ZNF462: variants seen among roughly 807,000 people sequenced by gnomAD.
ZNF462 encodes zinc finger PBX1-interacting protein.
A neutral mutation model predicts 201.9 loss-of-function variants in ZNF462; 10 were observed. The observed-to-expected ratio is 0.05, with a 90% CI of 0.03 to 0.08. The LOEUF is 0.08. Among genes scored for constraint, ZNF462 ranks in the 10% least tolerant of loss-of-function variants. The pLI, the probability that ZNF462 is intolerant of heterozygous loss-of-function variation, is 1.00. For synonymous variants in ZNF462, 1,227 were observed against 1,193.3 expected (o/e 1.03, Z -0.58); for missense variants, 2,523 against 3,168.3 (o/e 0.80, Z 4.89).
intron 1 of ZNF462, among the ~76,000 whole-genome samples, chr9:106,906,258 T>C (rs1245595841): frequency 6.6e-6 from 1 of 152,254 alleles, no homozygotes; most frequent in Non-Finnish European, 1.5e-5. Context: ...TCCTGGGTCC[T>C]GCAGGAGCAG....
intron 10 of ZNF462, among the ~76,000 whole-genome samples, chr9:106,991,072 A>G (rs560206369): frequency 4.2e-4 from 64 of 152,132 alleles, no homozygotes; most frequent in African/African-American, 1.4e-3. Context: ...CCATAATGCT[A>G]AAACAAGAAA....
chr9:106,918,202 A>C (rs1184538305), intron 1 of ZNF462, among the ~76,000 whole-genome samples: 1 of 152,166 alleles, frequency 6.6e-6, no homozygotes, highest in East Asian at 1.9e-4. Flanking sequence ...ACACTATAAC[A>C]TGGAGATAGT....
chr9:106,932,678 C>G lies in ZNF462; in HGVS notation c.6116+129C>G. 8.4e-7 allele frequency: 1 copy of G among 1,191,636 alleles called. No individual in the cohort carries two copies. Among genetic ancestry groups the G allele is most frequent in the Non-Finnish European group, 1.2e-6 (1 of 845,196 alleles). The allele number at this position is 1,191,636 out of a possible 1,614,324, so 73.8% of individuals were successfully genotyped here. A position where few individuals can be genotyped will look rare whatever the true frequency, so the allele number is the denominator to read the frequency against. On this transcript the variant is annotated intron_variant, in intron 5 of 12. Transcript: ENST00000277225. This position sits in a 1 kb window ranked among gnomAD's most constrained non-coding sequence, Gnocchi z 6.8. ...TGGTTCACACCTGCTGCTATGTTAC[C>G]TGGAGCCTCAGTCACCTTTTCTGTA...
At position 106,970,356 on chromosome 9, in the gene ZNF462, G is replaced by C. The variant is rs1292441078; in HGVS notation, c.6428-1649G>C. ...ATTGAGGAGGCGGGGAGGAGAACAAGAAGGGGAAGATATTTGAGTGTTTTG... is the reference window on the plus strand; with the variant it reads ...ATTGAGGAGGCGGGGAGGAGAACAACAAGGGGAAGATATTTGAGTGTTTTG... On this transcript the variant is annotated intron_variant, in intron 7 of 12. Transcript: ENST00000277225. The surrounding 1 kb of genome is among the most constrained non-coding windows in gnomAD (Gnocchi z 4.2). Among the ~76,000 whole-genome samples, 2 of 152,166 alleles carry C rather than the reference G, an allele frequency of 1.3e-5. No homozygotes were observed. The highest frequency in any genetic ancestry group is 1.9e-4 in the East Asian group (1 of 5,190).
intron 7 of ZNF462, among the ~76,000 whole-genome samples, chr9:106,959,948 C>T (rs71495915): frequency 3.5e-4 from 53 of 152,016 alleles, no homozygotes; most frequent in Non-Finnish European, 6.8e-4. Flanking sequence ...ACTGCTTTAA[C>T]GGTGATTAAA....
At position 106,962,693 on chromosome 9, in the gene ZNF462, C is replaced by A. The variant is rs758891897; in HGVS notation, c.6428-9312C>A. On this transcript the variant is annotated intron_variant, in intron 7 of 12. Coordinates refer to ENST00000277225, the MANE Select transcript of ZNF462 (RefSeq NM_021224.6). The surrounding 1 kb of genome is among the most constrained non-coding windows in gnomAD (Gnocchi z 4.6). ...ATCATATTTCAAGGTTTTGTTTTTA[C>A]TCATCAGAATGACAGGAAGTTTTCA... Among the ~76,000 whole-genome samples, 1 of 151,932 alleles carries A rather than the reference C, an allele frequency of 6.6e-6. No homozygotes were observed. Among genetic ancestry groups the A allele is most frequent in the Non-Finnish European group, 1.5e-5 (1 of 67,964 alleles).
At chr9:106,899,239 T>TGGGG (rs71384992) in intron 1 of ZNF462, among the ~76,000 whole-genome samples, 3 of 57,500 alleles carry the variant, frequency 5.2e-5, no homozygotes, top group African/African-American at 4.9e-5. Context: ...TGTGTGTGTG[T>TGGGG]GGGGGGGGGG....
At position 107,008,550 on chromosome 9, in the gene ZNF462, A is replaced by G. The variant is rs963601992; in HGVS notation, c.7190-995A>G. On this transcript the variant is annotated intron_variant, in intron 11 of 12. Coordinates refer to ENST00000277225, the MANE Select transcript of ZNF462 (RefSeq NM_021224.6). The surrounding 1 kb of genome is among the most constrained non-coding windows in gnomAD (Gnocchi z 4.8). ...CCCTGTGCGATGCCCTCACTTTGCAACACGGCTGCAGAACTGGCAAGGTCC... is the reference window on the plus strand; with the variant it reads ...CCCTGTGCGATGCCCTCACTTTGCAGCACGGCTGCAGAACTGGCAAGGTCC... Among the ~76,000 whole-genome samples the G allele has an allele frequency of 5.3e-5, 8 of 152,192 alleles. No individual in the cohort carries two copies. Among genetic ancestry groups the G allele is most frequent in the Non-Finnish European group, 1.0e-4 (7 of 68,042 alleles).
At chr9:106,871,866 C>T (rs1213164862) in intron 1 of ZNF462, among the ~76,000 whole-genome samples, 1 of 152,172 alleles carries the variant, frequency 6.6e-6, no homozygotes, top group Non-Finnish European at 1.5e-5. Context: ...ATCCATAGAG[C>T]TTCTCTACCT....
chr9:106,950,816 G>A lies in ZNF462; in HGVS notation c.6427+11709G>A, dbSNP rs1831310237. On this transcript the variant is annotated intron_variant, in intron 7 of 12. Coordinates refer to ENST00000277225, the MANE Select transcript of ZNF462 (RefSeq NM_021224.6). This position sits in a 1 kb window ranked among gnomAD's most constrained non-coding sequence, Gnocchi z 4.1. ...TTAAAAAATTAAGTTCAGGCCAGGC[G>A]TGGTGGCTCGCACCTGTAATCTCAG... Among the ~76,000 whole-genome samples, 1 of 152,144 alleles carries A rather than the reference G, an allele frequency of 6.6e-6. No homozygotes were observed. The highest frequency in any genetic ancestry group is 2.4e-5 in the African/African-American group (1 of 41,438).
In ZNF462 at chr9:106,981,540, A is replaced by AG. The variant is rs2132218001; in HGVS notation, c.6833-2645dup. 6.6e-6 allele frequency among the ~76,000 whole-genome samples: 1 copy of AG among 152,346 alleles called. No individual in the cohort carries two copies. Among genetic ancestry groups the AG allele is most frequent in the South Asian group, 2.1e-4 (1 of 4,832 alleles). Reference sequence around the variant, plus strand: ...TTTGCAGGGTGTTATGAGAACAAAAAGTTATGTCAAGGGTAGAACACCTAA... The same window carrying AG: ...TTTGCAGGGTGTTATGAGAACAAAAAGGTTATGTCAAGGGTAGAACACCTAA... On this transcript the variant is annotated intron_variant, in intron 9 of 12. Transcript: ENST00000277225. This position sits in a 1 kb window ranked among gnomAD's most constrained non-coding sequence, Gnocchi z 4.0.
intron 1 of ZNF462, among the ~76,000 whole-genome samples, chr9:106,908,914 T>TATAC (rs1273033634): frequency 1.3e-4 from 2 of 15,618 alleles, no homozygotes; most frequent in African/African-American, 1.0e-3. Context: ...TATATACATA[T>TATAC]ATATATATAT....
intron 1 of ZNF462, among the ~76,000 whole-genome samples, chr9:106,908,041 C>T (rs1410605694): frequency 6.6e-6 from 1 of 151,728 alleles, no homozygotes; most frequent in Non-Finnish European, 1.5e-5. Flanking sequence ...ACCTTTATTT[C>T]ACTGTAAGTA....
Position 106,924,113 on chromosome 9 carries a change from T to A in ZNF462, c.221-20T>A, listed in dbSNP as rs1830092806. 6.4e-7 allele frequency: 1 copy of A among 1,563,132 alleles called. No individual in the cohort carries two copies. Among genetic ancestry groups the A allele is most frequent in the East Asian group, 2.2e-5 (1 of 44,612 alleles). On this transcript the variant is annotated intron_variant, in intron 2 of 12. Transcript: ENST00000277225. The surrounding 1 kb of genome is among the most constrained non-coding windows in gnomAD (Gnocchi z 6.2). ...TTAATTATCTTTTGCTTTGTCACTT[T>A]CCTTATGCTTTTTCTTTAGGTCAAA...
At chr9:106,884,491 G>A (rs1481320032) in intron 1 of ZNF462, among the ~76,000 whole-genome samples, 1 of 152,026 alleles carries the variant, frequency 6.6e-6, no homozygotes, top group Non-Finnish European at 1.5e-5. Flanking sequence ...AGTGATTTAG[G>A]TTTGGGAAAT....
chr9:106,881,775 A>G (rs763124469), intron 1 of ZNF462, among the ~76,000 whole-genome samples: 1 of 152,314 alleles, frequency 6.6e-6, no homozygotes, highest in Middle Eastern at 3.4e-3. Context: ...GTGGCTTTTC[A>G]AAGCCAGTGT....
intron 7 of ZNF462, among the ~76,000 whole-genome samples, chr9:106,946,006 A>T (rs1177374824): frequency 6.6e-6 from 1 of 152,202 alleles, no homozygotes; most frequent in East Asian, 1.9e-4. Context: ...GGCTGCTATC[A>T]TCCTTTGTGC....
Position 106,972,156 on chromosome 9 carries a change from C to T in ZNF462, c.6579C>T (p.Cys2193=), listed in dbSNP as rs745822452. 6.2e-6 allele frequency: 10 copies of T among 1,614,048 alleles called. No homozygotes were observed. The highest frequency in any genetic ancestry group is 1.7e-5 in the Admixed American group (1 of 59,998). Residue 2193 remains cysteine (C), a synonymous_variant, in exon 8 of 13, where the codon TGC becomes TGT. Transcript: ENST00000277225. This position sits in a 1 kb window ranked among gnomAD's most constrained non-coding sequence, Gnocchi z 4.8. ...TEQKTEAVLH[C]EFCEFSSGYI... Reference sequence around the variant, plus strand: ...AGAAAACTGAAGCCGTGCTTCACTGCGAATTCTGTGAATTCTCCTCCGGCT... The same window carrying T: ...AGAAAACTGAAGCCGTGCTTCACTGTGAATTCTGTGAATTCTCCTCCGGCT...
At chr9:106,909,109 C>G (rs1198814398) in intron 1 of ZNF462, among the ~76,000 whole-genome samples, 1 of 150,432 alleles carries the variant, frequency 6.6e-6, no homozygotes, top group Non-Finnish European at 1.5e-5. Flanking sequence ...ATTATAGGCA[C>G]ATGCCACTAC....
Sources: gnomAD v4.1 joint callset for allele counts (sites outside exome capture counted in the v4.1 genomes callset) on GRCh38, gnomAD v4.1.1 for gene constraint, Gnocchi (gnomAD v3.1) non-coding constraint, MANE v1.5 for transcripts, NCBI Gene and HGNC (gene_info 2026-07-23, HGNC 2026-07-21) for gene names.